Variants in KIAA1217 observed in about 807,000 individuals in gnomAD.
KIAA1217 encodes the protein sickle tail protein homolog.
In KIAA1217, 88 loss-of-function variants were observed where a neutral mutation model predicts 163.9. That is an observed-to-expected ratio of 0.54 (90% CI 0.45 to 0.64). The LOEUF is 0.64. Ranked by LOEUF, KIAA1217 falls within the 30% of genes least tolerant of loss-of-function variation. The pLI is 0.00. For synonymous variants in KIAA1217, 903 were observed against 923.1 expected, an observed-to-expected ratio of 0.98 and a Z score of 0.39; for missense variants, 2,372 against 2,475.0, an observed-to-expected ratio of 0.96 and a Z score of 0.88.
At chr10:24,390,713 A>G (rs144452407) in intron 3 of KIAA1217, among the ~76,000 whole-genome samples, 2 of 152,320 alleles carry the variant, frequency 1.3e-5, no homozygotes, top group African/African-American at 4.8e-5. Context: ...TTAAAAACCG[A>G]GTCAATCTTT....
chr10:24,524,792 C>T, intron 13 of KIAA1217, 28 bp downstream of exon 13: 3 of 1,541,868 alleles, frequency 1.9e-6, no homozygotes, highest in Non-Finnish European at 2.6e-6. Context: ...TTTCTCATAA[C>T]CCCATAAAGG....
intron 6 of KIAA1217, among the ~76,000 whole-genome samples, chr10:24,475,081 T>C (rs2063860535): frequency 6.6e-6 from 1 of 152,042 alleles, no homozygotes; most frequent in Non-Finnish European, 1.5e-5. Context: ...TAGTCGGGTG[T>C]GGTGGCAGGT....
intron 1 of KIAA1217, among the ~76,000 whole-genome samples, chr10:23,948,013 T>C (rs151337265): frequency 2.0e-5 from 3 of 152,314 alleles, no homozygotes; most frequent in African/African-American, 7.2e-5. Context: ...TAATCTGATA[T>C]GTTATCTGAG....
chr10:24,538,177 C>T (rs1484406580), intron 17 of KIAA1217, among the ~76,000 whole-genome samples: 1 of 152,168 alleles, frequency 6.6e-6, no homozygotes, highest in Non-Finnish European at 1.5e-5. Context: ...GCTATTCTAA[C>T]ACAACCATTC....
chr10:23,868,832 T>A (rs1303792666), intron 1 of KIAA1217, among the ~76,000 whole-genome samples: 1 of 152,148 alleles, frequency 6.6e-6, no homozygotes. Flanking sequence ...GTTGAGGCTA[T>A]CCTTTCCCAT....
rs1398309623 is a variant in KIAA1217, at chr10:24,547,428, T to G, written c.*1104T>G. ...AATGTATTTGTATAACACAGTCATGTAATATACAGAACTATAAGCAGAGAC... is the reference window on the plus strand; with the variant it reads ...AATGTATTTGTATAACACAGTCATGGAATATACAGAACTATAAGCAGAGAC... On this transcript the variant is annotated 3_prime_UTR_variant, in exon 21 of 21. Coordinates refer to ENST00000376454, the MANE Select transcript of KIAA1217 (RefSeq NM_019590.5). The G allele has an allele frequency of 6.5e-6, 1 of 152,780 alleles. No individual in the cohort carries two copies. The highest frequency in any genetic ancestry group is 1.9e-4 in the East Asian group (1 of 5,192). 9.5% of individuals were successfully genotyped at this position (152,780 alleles called of 1,614,324 possible).
intron 2 of KIAA1217, among the ~76,000 whole-genome samples, chr10:24,134,578 T>A (rs1397223876): frequency 6.6e-6 from 1 of 152,058 alleles, no homozygotes; most frequent in East Asian, 1.9e-4. Context: ...GGGTATTAAT[T>A]AATTTATTTT....
At chr10:23,766,952 A>G (rs17488560) in intron 1 of KIAA1217, among the ~76,000 whole-genome samples, 8,049 of 152,186 alleles carry the variant, frequency 0.053, 336 homozygotes, top group Non-Finnish European at 0.085. Flanking sequence ...CATTCCATCT[A>G]CCACCTGTCC....
chr10:23,813,642 A>C (rs1262047246), intron 1 of KIAA1217, among the ~76,000 whole-genome samples: 1 of 152,202 alleles, frequency 6.6e-6, no homozygotes, highest in East Asian at 1.9e-4. Flanking sequence ...GCACACTTGT[A>C]AAGTATTTTC....
At chr10:24,522,497 G>A (rs2071437069) in intron 12 of KIAA1217, among the ~76,000 whole-genome samples, 1 of 152,228 alleles carries the variant, frequency 6.6e-6, no homozygotes, top group Non-Finnish European at 1.5e-5. Flanking sequence ...AGGAGTATCT[G>A]TGAGACTGTT....
At chr10:24,374,831 G>C (rs1323285884) in intron 2 of KIAA1217, among the ~76,000 whole-genome samples, 1 of 152,056 alleles carries the variant, frequency 6.6e-6, no homozygotes, top group Non-Finnish European at 1.5e-5. Flanking sequence ...CTTTCTCCCA[G>C]GCTGATGTGC....
chr10:23,901,953 A>G (rs1841976395), intron 1 of KIAA1217, among the ~76,000 whole-genome samples: 1 of 151,546 alleles, frequency 6.6e-6, no homozygotes, highest in Non-Finnish European at 1.5e-5. Flanking sequence ...GAAAAGAAAT[A>G]TTTAAAACCT....
chr10:23,804,121 T>C (rs140340060), intron 1 of KIAA1217, among the ~76,000 whole-genome samples: 22 of 152,294 alleles, frequency 1.4e-4, no homozygotes, highest in African/African-American at 5.3e-4. Flanking sequence ...GTTATTGTTC[T>C]CTTAGGCCTC....
At chr10:24,213,353 G>A (rs1564838985) in intron 1 of KIAA1217, among the ~76,000 whole-genome samples, 1 of 152,088 alleles carries the variant, frequency 6.6e-6, no homozygotes, top group Non-Finnish European at 1.5e-5. Flanking sequence ...GGTTCCTAAG[G>A]TCTTGAAACC....
intron 9 of KIAA1217, among the ~76,000 whole-genome samples, chr10:24,510,088 T>G (rs981652723): frequency 1.3e-5 from 2 of 152,134 alleles, no homozygotes; most frequent in Non-Finnish European, 2.9e-5. Flanking sequence ...ACACGCTGCT[T>G]GTAGCTGTGA....
intron 1 of KIAA1217, among the ~76,000 whole-genome samples, chr10:23,817,795 A>G (rs889184722): frequency 1.3e-5 from 2 of 151,356 alleles, no homozygotes; most frequent in African/African-American, 4.9e-5. Context: ...CAGTTTTTGT[A>G]TATGAAATAT....
intron 10 of KIAA1217, 37 bp downstream of exon 10, chr10:24,513,471 C>T: frequency 1.3e-6 from 2 of 1,597,130 alleles, no homozygotes; most frequent in Non-Finnish European, 1.7e-6. Flanking sequence ...GCTGTTTCAC[C>T]TGCAAAGGAA....
At chr10:23,707,601 G>A (rs1385064214) in intron 1 of KIAA1217, among the ~76,000 whole-genome samples, 1 of 152,156 alleles carries the variant, frequency 6.6e-6, no homozygotes, top group Non-Finnish European at 1.5e-5. Context: ...GGGAGGGTGT[G>A]AGGGTTGAAA....
chr10:24,153,453 C>T (rs924120729), intron 2 of KIAA1217, among the ~76,000 whole-genome samples: 2 of 152,202 alleles, frequency 1.3e-5, no homozygotes, highest in Non-Finnish European at 2.9e-5. Context: ...CACATTTGAT[C>T]TAACTCATTT....
Sources: gnomAD v4.1 joint callset for allele counts (sites outside exome capture counted in the v4.1 genomes callset) on GRCh38, gnomAD v4.1.1 for gene constraint, MANE v1.5 for transcripts, NCBI Gene and HGNC (gene_info 2026-07-23, HGNC 2026-07-21) for gene names.